Variants in PTPRC observed in about 807,000 individuals in gnomAD.
PTPRC encodes the protein protein tyrosine phosphatase receptor type C.
Under a neutral mutation model 155.9 loss-of-function variants are expected in PTPRC, and 44 were observed. The observed-to-expected ratio is 0.28, with a 90% CI of 0.22 to 0.36. PTPRC has a LOEUF of 0.36. PTPRC is among the 10% of genes least tolerant of loss of function. PTPRC has a pLI of 1.00. For synonymous variants in PTPRC, 525 were observed against 533.1 expected (o/e 0.98, Z 0.21); for missense variants, 1,401 against 1,564.6 (o/e 0.90, Z 1.76).
intron 29 of PTPRC, 105 bp downstream of exon 29, chr1:198,750,731 C>T (rs1370021711): frequency 2.9e-6 from 4 of 1,390,224 alleles, no homozygotes; most frequent in Non-Finnish European, 3.0e-6. Flanking sequence ...TTTTTTATCC[C>T]TCCATCACAT....
intron 26 of PTPRC, among the ~76,000 whole-genome samples, chr1:198,744,972 C>T (rs1208657874): frequency 6.6e-6 from 1 of 151,726 alleles, no homozygotes; most frequent in Non-Finnish European, 1.5e-5. Flanking sequence ...CCCCAGAAGA[C>T]CTGTACTTAT....
chr1:198,710,842 G>A (rs1442274772), intron 11 of PTPRC, among the ~76,000 whole-genome samples: 5 of 152,128 alleles, frequency 3.3e-5, no homozygotes, highest in Admixed American at 3.3e-4. Flanking sequence ...ACTTATAAAT[G>A]TAATTCTAAA....
chr1:198,712,068 A>G (rs190379966), intron 11 of PTPRC, among the ~76,000 whole-genome samples: 1 of 152,352 alleles, frequency 6.6e-6, no homozygotes, highest in Non-Finnish European at 1.5e-5. Context: ...CATAGTAGCC[A>G]AAACCTGGAA....
chr1:198,684,255 C>A (rs10082300), intron 2 of PTPRC, among the ~76,000 whole-genome samples: 16,063 of 151,190 alleles, frequency 0.11, 937 homozygotes, highest in African/African-American at 0.15. Flanking sequence ...AAATATATAA[C>A]ATGATGTTTT....
intron 29 of PTPRC, among the ~76,000 whole-genome samples, chr1:198,751,862 G>A (rs1314171670): frequency 6.6e-6 from 1 of 151,998 alleles, no homozygotes; most frequent in Non-Finnish European, 1.5e-5. Context: ...AAGGGACAGT[G>A]GGACCTGAGT....
chr1:198,736,078 A>G (rs1654625102), intron 23 of PTPRC, among the ~76,000 whole-genome samples: 1 of 151,518 alleles, frequency 6.6e-6, no homozygotes, highest in Non-Finnish European at 1.5e-5. Context: ...AGGTGTGTAT[A>G]TTCATGGGGT....
chr1:198,755,211 G>A (rs558869220), intron 32 of PTPRC, among the ~76,000 whole-genome samples: 1 of 152,220 alleles, frequency 6.6e-6, no homozygotes, highest in East Asian at 1.9e-4. Flanking sequence ...GTGGATACAG[G>A]AAGGAAAATA....
chr1:198,697,765 C>T (rs920114972), intron 4 of PTPRC, among the ~76,000 whole-genome samples: 4 of 152,106 alleles, frequency 2.6e-5, no homozygotes, highest in Non-Finnish European at 5.9e-5. Flanking sequence ...CATTTATCTT[C>T]GTTTGAAAAA....
At chr1:198,753,083 T>C (rs1267178636) in intron 31 of PTPRC, among the ~76,000 whole-genome samples, 1 of 151,960 alleles carries the variant, frequency 6.6e-6, no homozygotes, top group Non-Finnish European at 1.5e-5. Flanking sequence ...AATGGAAGGG[T>C]GTGTGAACAG....
chr1:198,738,447 CA>C (rs1450543883), intron 23 of PTPRC, among the ~76,000 whole-genome samples: 2 of 151,744 alleles, frequency 1.3e-5, no homozygotes, highest in African/African-American at 2.4e-5. Context: ...TAATGTATCA[CA>C]ATAATTGATT....
At chr1:198,707,543 T>A (rs1009562178) in intron 9 of PTPRC, among the ~76,000 whole-genome samples, 12 of 152,130 alleles carry the variant, frequency 7.9e-5, no homozygotes, top group Non-Finnish European at 1.6e-4. Flanking sequence ...GTAATTTTTT[T>A]AAAAAGTCAT....
At position 198,744,141 on chromosome 1, in the gene PTPRC, C is replaced by A; in HGVS notation, c.2785C>A (p.Leu929Ile). 6.2e-7 allele frequency: 1 copy of A among 1,605,640 alleles called. No homozygotes were observed. Among genetic ancestry groups the A allele is most frequent in the Non-Finnish European group, 8.5e-7 (1 of 1,173,256 alleles). ...EVNLSELHPY[L>I]HNMKKRDPPS... ...GAATTTGTCTGAATTACATCCATAT[C>A]TACATAACATGAAGAAAAGGGATCC... is the stretch of plus-strand genomic sequence containing the variant. The change falls in exon 26 of 33, where the codon CTA becomes ATA. Residue 929 changes from leucine to isoleucine, a missense_variant. Around this residue, in one of 3 missense-constraint regions of PTPRC, gnomAD observed 134 missense variants for 204.7 expected, o/e 0.65. Transcript: ENST00000442510.
intron 3 of PTPRC, among the ~76,000 whole-genome samples, chr1:198,693,742 T>C (rs1012700913): frequency 3.3e-5 from 5 of 152,248 alleles, no homozygotes; most frequent in African/African-American, 9.6e-5. Flanking sequence ...TCAGGTTTTC[T>C]AATTTTAAAT....
At position 198,728,433 on chromosome 1, in the gene PTPRC, A is replaced by C. The variant is rs1314941487; in HGVS notation, c.1814A>C (p.His605Pro). Reference protein sequence around the residue: ...LVVLYKIYDLHKKRSCNLDEQ... With the variant: ...LVVLYKIYDLPKKRSCNLDEQ... ...GTTCTCTACAAAATCTATGATCTAC[A>C]TAAGAAAAGATCCTGGTAAGAGTTG... Residue 605 changes from histidine to proline, a missense_variant, in exon 16 of 33, where the codon CAT becomes CCT. Physicochemically the swap from His to Pro is moderately conservative, Grantham distance 77. Around this residue, in one of 3 missense-constraint regions of PTPRC, gnomAD observed 867 missense variants for 970.4 expected, o/e 0.89. Coordinates refer to ENST00000442510, the MANE Select transcript of PTPRC (RefSeq NM_002838.5). The C allele has an allele frequency of 1.2e-6, 2 of 1,612,460 alleles. No homozygotes were observed. Among genetic ancestry groups the C allele is most frequent in the Non-Finnish European group, 1.7e-6 (2 of 1,179,256 alleles).
At chr1:198,681,536 C>A (rs1398081181) in intron 2 of PTPRC, among the ~76,000 whole-genome samples, 1 of 152,134 alleles carries the variant, frequency 6.6e-6, no homozygotes, top group Admixed American at 6.5e-5. Context: ...CTTGCCTAGA[C>A]TATATTTTAT....
chr1:198,743,067 CAAAAAAAA>C (rs10628640), intron 25 of PTPRC, among the ~76,000 whole-genome samples: 1 of 75,952 alleles, frequency 1.3e-5, no homozygotes, highest in Non-Finnish European at 2.5e-5. Flanking sequence ...GTCAAAATAG[CAAAAAAAA>C]AAAAAAAAAA....
chr1:198,676,494 T>G (rs1664960828), intron 2 of PTPRC, among the ~76,000 whole-genome samples: 1 of 152,208 alleles, frequency 6.6e-6, no homozygotes, highest in African/African-American at 2.4e-5. Flanking sequence ...GAGACTTGCA[T>G]GGCTCTGGAT....
chr1:198,734,241 T>C lies in PTPRC; in HGVS notation c.2179+9T>C. On this transcript the variant is annotated intron_variant, in intron 21 of 32. Coordinates refer to ENST00000442510, the MANE Select transcript of PTPRC (RefSeq NM_002838.5). ...ATACATTGCTGCACAAGGTAATTTC[T>C]TTGATAATCCAATATTCTTTTTGAA... is the stretch of plus-strand genomic sequence containing the variant. 6 of 1,610,884 alleles carry C rather than the reference T, an allele frequency of 3.7e-6. No individual in the cohort carries two copies. Among genetic ancestry groups the C allele is most frequent in the Non-Finnish European group, 5.1e-6 (6 of 1,177,824 alleles).
At chr1:198,702,844 AC>A (rs1666530279) in intron 6 of PTPRC, among the ~76,000 whole-genome samples, 1 of 152,216 alleles carries the variant, frequency 6.6e-6, no homozygotes, top group African/African-American at 2.4e-5. Context: ...AATTACTAAT[AC>A]TTTCTGCATA....
Sources: allele counts gnomAD v4.1 joint callset (sites outside exome capture counted in the v4.1 genomes callset), GRCh38; gene constraint gnomAD v4.1.1; regional missense constraint gnomAD v4.1.1; transcripts MANE v1.5; gene names NCBI Gene and HGNC (gene_info 2026-07-23, HGNC 2026-07-21).